The following DACH1 variants were observed in gnomAD, a reference collection of about 807,000 sequenced individuals.
DACH1 encodes the protein dachshund homolog 1.
DACH1 carries 12 observed loss-of-function variants against 54.2 expected under a neutral mutation model. The observed-to-expected ratio is 0.22, with a 90% CI of 0.14 to 0.36. The LOEUF (loss-of-function observed/expected upper bound fraction) is 0.36. DACH1 is among the 10% of genes least tolerant of loss of function. The pLI is 1.00. For synonymous variants in DACH1, 386 were observed against 366.2 expected, an observed-to-expected ratio of 1.05 and a Z score of -0.62; for missense variants, 805 against 929.8, an observed-to-expected ratio of 0.87 and a Z score of 1.75.
intron 1 of DACH1, among the ~76,000 whole-genome samples, chr13:71,770,543 G>A (rs558706205): frequency 6.6e-6 from 1 of 151,668 alleles, no homozygotes; most frequent in East Asian, 1.9e-4. Flanking sequence ...AAGAAGGAAA[G>A]AACGCATTTA....
intron 1 of DACH1, among the ~76,000 whole-genome samples, chr13:71,696,177 C>T (rs1881822477): frequency 6.6e-6 from 1 of 152,112 alleles, no homozygotes; most frequent in Non-Finnish European, 1.5e-5. Flanking sequence ...TCCTATGTGA[C>T]ACACCTGCAC....
intron 1 of DACH1, among the ~76,000 whole-genome samples, chr13:71,847,268 A>G (rs1394902843): frequency 6.6e-6 from 1 of 152,128 alleles, no homozygotes; most frequent in Admixed American, 6.5e-5. Flanking sequence ...ATGTATTTGC[A>G]TTCCTATTTT....
intron 4 of DACH1, among the ~76,000 whole-genome samples, chr13:71,564,080 A>G (rs1258115385): frequency 6.6e-6 from 1 of 152,062 alleles, no homozygotes; most frequent in African/African-American, 2.4e-5. Flanking sequence ...TAATTCTTTT[A>G]TCATATTTAT....
chr13:71,756,461 T>A (rs1229581176), intron 1 of DACH1, among the ~76,000 whole-genome samples: 1 of 152,062 alleles, frequency 6.6e-6, no homozygotes, highest in African/African-American at 2.4e-5. Flanking sequence ...AAACTTATAA[T>A]TCAACATTCT....
intron 1 of DACH1, among the ~76,000 whole-genome samples, chr13:71,792,543 AC>A (rs1886875464): frequency 6.6e-6 from 1 of 152,210 alleles, no homozygotes; most frequent in African/African-American, 2.4e-5. Context: ...TACAGGGTGA[AC>A]AAAAAATATT....
At chr13:71,620,361 A>G (rs1876131423) in intron 3 of DACH1, among the ~76,000 whole-genome samples, 1 of 152,016 alleles carries the variant, frequency 6.6e-6, no homozygotes, top group Non-Finnish European at 1.5e-5. Flanking sequence ...TTTATAAATA[A>G]TAAAGACTAT....
At chr13:71,783,995 A>T (rs987158676) in intron 1 of DACH1, among the ~76,000 whole-genome samples, 2 of 151,582 alleles carry the variant, frequency 1.3e-5, no homozygotes, top group African/African-American at 4.8e-5. Flanking sequence ...AAAAAAACTA[A>T]AGATAACAAA....
chr13:71,598,217 A>G (rs1435286972), intron 3 of DACH1, among the ~76,000 whole-genome samples: 12 of 152,220 alleles, frequency 7.9e-5, no homozygotes, highest in Admixed American at 7.9e-4. Flanking sequence ...AACTGAAGAC[A>G]CAGTATAAAT....
intron 1 of DACH1, among the ~76,000 whole-genome samples, chr13:71,782,449 A>G (rs1886425120): frequency 6.6e-6 from 1 of 152,156 alleles, no homozygotes; most frequent in South Asian, 2.1e-4. Flanking sequence ...AAATAAATAA[A>G]TAAATAAACA....
At chr13:71,685,318 T>A (rs1238551459) in intron 1 of DACH1, among the ~76,000 whole-genome samples, 2 of 152,186 alleles carry the variant, frequency 1.3e-5, no homozygotes, top group Non-Finnish European at 2.9e-5. Flanking sequence ...AAACCTTTCA[T>A]TAAAATGCAA....
chr13:71,482,569 T>C (rs1223425936), intron 7 of DACH1, among the ~76,000 whole-genome samples: 8 of 152,142 alleles, frequency 5.3e-5, no homozygotes. Flanking sequence ...CTTTTAAAGA[T>C]GAGAAAACCA....
chr13:71,520,531 T>C (rs1342980455), intron 6 of DACH1, among the ~76,000 whole-genome samples: 1 of 150,954 alleles, frequency 6.6e-6, no homozygotes, highest in Non-Finnish European at 1.5e-5. Context: ...GAATCTAGTA[T>C]GTAAACCAAA....
At chr13:71,708,324 C>A (rs140793037) in intron 1 of DACH1, among the ~76,000 whole-genome samples, 137 of 152,200 alleles carry the variant, frequency 9.0e-4, no homozygotes, top group African/African-American at 3.2e-3. Context: ...AAGTTTTTCA[C>A]TTCTCAACTT....
intron 3 of DACH1, among the ~76,000 whole-genome samples, chr13:71,621,712 T>C (rs998930046): frequency 2.6e-5 from 4 of 152,050 alleles, no homozygotes; most frequent in African/African-American, 9.7e-5. Context: ...TTGCTTATCA[T>C]GCTGTGAAAT....
intron 6 of DACH1, among the ~76,000 whole-genome samples, chr13:71,498,889 A>AATT (rs1344773595): frequency 1.3e-5 from 2 of 152,106 alleles, no homozygotes; most frequent in African/African-American, 4.8e-5. Flanking sequence ...GTATTTCAAA[A>AATT]ATTTCTGTAT....
In DACH1 at chr13:71,499,986, T is replaced by C. The variant is rs150314584; in HGVS notation, c.1571-10838A>G. Among the ~76,000 whole-genome samples, 1,187 of 151,992 alleles carry C rather than the reference T, an allele frequency of 7.8e-3. 17 individuals are homozygous for C. The highest frequency in any genetic ancestry group is 0.026 in the African/African-American group (1,093 of 41,442). Reference sequence around the variant, plus strand: ...AGCTCTAAATGACCACTTTTGAAAGTCTGAGTTAATGATTAAAAAAAATTT... The same window carrying C: ...AGCTCTAAATGACCACTTTTGAAAGCCTGAGTTAATGATTAAAAAAAATTT... On this transcript the variant is annotated intron_variant, in intron 6 of 10. Coordinates refer to ENST00000613252, the MANE Select transcript of DACH1 (RefSeq NM_080759.6).
chr13:71,678,902 C>T (rs1282855574), intron 2 of DACH1, among the ~76,000 whole-genome samples: 1 of 152,170 alleles, frequency 6.6e-6, no homozygotes, highest in Non-Finnish European at 1.5e-5. Context: ...TCAAGCAATC[C>T]TCCTGCCTCA....
intron 6 of DACH1, among the ~76,000 whole-genome samples, chr13:71,501,789 C>T (rs1879937397): frequency 6.6e-6 from 1 of 152,164 alleles, no homozygotes; most frequent in Non-Finnish European, 1.5e-5. Context: ...ATAACTAGCA[C>T]ACAGAGAGTG....
At chr13:71,480,975 C>T (rs1299094723) in intron 7 of DACH1, among the ~76,000 whole-genome samples, 1 of 152,102 alleles carries the variant, frequency 6.6e-6, no homozygotes, top group Non-Finnish European at 1.5e-5. Context: ...AACAGTAAAA[C>T]ATAGCTGCTA....
Sources: gnomAD v4.1 joint callset for allele counts (sites outside exome capture counted in the v4.1 genomes callset) on GRCh38, gnomAD v4.1.1 for gene constraint, MANE v1.5 for transcripts, NCBI Gene and HGNC (gene_info 2026-07-23, HGNC 2026-07-21) for gene names.